ZNF678: variants seen among roughly 807,000 people sequenced by gnomAD.
ZNF678 encodes zinc finger protein 678.
Under a neutral mutation model 3.0 loss-of-function variants are expected in ZNF678, and 5 were observed. The observed-to-expected ratio is 1.69, with a 90% CI of 0.88 to 3.56. ZNF678 has a LOEUF of 3.56. Among genes scored for constraint, ZNF678 ranks in the 30% most tolerant of loss-of-function variants. The pLI is 0.00. For missense variants in ZNF678, 593 were observed against 605.0 expected (o/e 0.98, Z 0.21); for synonymous variants, 218 against 199.6 (o/e 1.09, Z -0.78).
intron 1 of ZNF678, among the ~76,000 whole-genome samples, chr1:227,599,941 T>C (rs1657693070): frequency 6.6e-6 from 1 of 152,220 alleles, no homozygotes; most frequent in Non-Finnish European, 1.5e-5. Flanking sequence ...TACGCATTAG[T>C]TATTTTTCTG....
intron 1 of ZNF678, among the ~76,000 whole-genome samples, chr1:227,613,078 A>C (rs193300949): frequency 6.6e-6 from 1 of 152,304 alleles, no homozygotes; most frequent in East Asian, 1.9e-4. Context: ...GGGCTAAGTG[A>C]AAGTATGAAT....
In ZNF678 at chr1:227,655,167, C is replaced by T; in HGVS notation, c.917C>T (p.Ala306Val). 1.9e-6 allele frequency: 3 copies of T among 1,612,258 alleles called. No individual in the cohort carries two copies. The highest frequency in any genetic ancestry group is 1.7e-4 in the Middle Eastern group (1 of 6,058). ...EECGKAFTQF[A>V]SLTRHKRIHT... Reference sequence around the variant, plus strand: ...TGTGGCAAAGCCTTTACACAGTTTGCAAGCCTTACTCGTCATAAAAGAATT... The same window carrying T: ...TGTGGCAAAGCCTTTACACAGTTTGTAAGCCTTACTCGTCATAAAAGAATT... Residue 306 changes from alanine (A) to valine (V), a missense_variant, in exon 4 of 4, where the codon GCA becomes GTA. By Grantham distance (64) the Ala-to-Val change is moderately conservative (BLOSUM62 0). Coordinates refer to ENST00000343776, the MANE Select transcript of ZNF678 (RefSeq NM_001367909.1).
intron 1 of ZNF678, among the ~76,000 whole-genome samples, chr1:227,617,676 G>GA (rs1658175152): frequency 6.6e-6 from 1 of 152,180 alleles, no homozygotes; most frequent in Non-Finnish European, 1.5e-5. Context: ...CATTGGCCAT[G>GA]ACCAATGTGG....
At position 227,654,594 on chromosome 1, in the gene ZNF678, A is replaced by G; in HGVS notation, c.344A>G (p.His115Arg). Residue 115 changes from histidine to arginine, a missense_variant, in exon 4 of 4, where the codon CAT (histidine) becomes CGT (arginine). Coordinates refer to ENST00000343776, the MANE Select transcript of ZNF678 (RefSeq NM_001367909.1). ...NFSWRSILTE[H>R]KRIHTGEKPY... is the part of the protein sequence containing the mutation. ...AGCTGGAGGTCAATCCTTACTGAACATAAGAGAATTCATACTGGAGAGAAG... is the reference window on the plus strand; with the variant it reads ...AGCTGGAGGTCAATCCTTACTGAACGTAAGAGAATTCATACTGGAGAGAAG... 6.2e-7 allele frequency: 1 copy of G among 1,613,464 alleles called. No homozygotes were observed.
At chr1:227,586,048 CA>C (rs759399356) in intron 1 of ZNF678, among the ~76,000 whole-genome samples, 22 of 151,898 alleles carry the variant, frequency 1.4e-4, no homozygotes, top group Non-Finnish European at 2.8e-4. Flanking sequence ...ATGAGCCAGG[CA>C]AGATGATTTG....
intron 1 of ZNF678, among the ~76,000 whole-genome samples, chr1:227,596,154 G>T (rs537657425): frequency 4.2e-4 from 64 of 152,322 alleles, no homozygotes; most frequent in African/African-American, 1.5e-3. Flanking sequence ...GATCTGCGTT[G>T]CTTGGGCTGG....
At chr1:227,586,828 T>C (rs1657275165) in intron 1 of ZNF678, among the ~76,000 whole-genome samples, 1 of 152,150 alleles carries the variant, frequency 6.6e-6, no homozygotes, top group Non-Finnish European at 1.5e-5. Context: ...TAATAGGCAA[T>C]TTTTCCCTCA....
rs1166627658 is a variant in ZNF678 at position 227,655,107 on chromosome 1, T to C, written c.857T>C (p.Ile286Thr). 1.9e-5 allele frequency: 30 copies of C among 1,613,012 alleles called. No individual in the cohort carries two copies. The highest frequency in any genetic ancestry group is 2.4e-5 in the Non-Finnish European group (28 of 1,179,612). ...ECSHLTRHRR[I>T]HTGEKPYKCE... ...TCACACCTAACTAGACATAGGAGAA[T>C]TCATACTGGAGAGAAACCCTACAAA... Residue 286 changes from isoleucine (I) to threonine (T), a missense_variant, in exon 4 of 4, where the codon ATT becomes ACT. Physicochemically the swap from Ile to Thr is moderately conservative, Grantham distance 89. Coordinates refer to ENST00000343776, the MANE Select transcript of ZNF678 (RefSeq NM_001367909.1).
At chr1:227,606,367 G>C (rs1442521752) in intron 1 of ZNF678, among the ~76,000 whole-genome samples, 1 of 152,182 alleles carries the variant, frequency 6.6e-6, no homozygotes, top group Non-Finnish European at 1.5e-5. Context: ...GGCTAGATTT[G>C]TGTTTCTCTT....
intron 1 of ZNF678, among the ~76,000 whole-genome samples, chr1:227,588,545 G>C (rs1657324437): frequency 6.9e-6 from 1 of 145,184 alleles, no homozygotes; most frequent in African/African-American, 2.6e-5. Flanking sequence ...CTGTCACCAG[G>C]CTGGAATATA....
chr1:227,576,264 A>AGAATGTGTTAGG (rs1656984568), intron 1 of ZNF678, among the ~76,000 whole-genome samples: 2 of 152,306 alleles, frequency 1.3e-5, no homozygotes, highest in East Asian at 3.9e-4. Context: ...CTGGCTTCAG[A>AGAATGTGTTAGG]GAATGTGTTA....
At chr1:227,674,608 CTTT>C (rs1383826284) in intron 5 of ZNF678, among the ~76,000 whole-genome samples, 1 of 120,266 alleles carries the variant, frequency 8.3e-6, no homozygotes. Flanking sequence ...TTTTTTTTTT[CTTT>C]TTTTTTTTGA....
chr1:227,666,741 C>CTTTTTTTTTTTTTTTTTTTTTTTTT (rs1182440018), downstream of ZNF678, among the ~76,000 whole-genome samples: 1 of 115,168 alleles, frequency 8.7e-6, no homozygotes, highest in Non-Finnish European at 1.8e-5. Flanking sequence ...TTCTTTCTTG[C>CTTTTTTTTTTTTTTTTTTTTTTTTT]TTTTTTTTTT....
intron 2 of ZNF678, among the ~76,000 whole-genome samples, chr1:227,646,934 C>G (rs948517663): frequency 3.9e-5 from 6 of 152,166 alleles, no homozygotes; most frequent in Non-Finnish European, 8.8e-5. Context: ...TTGTTGCCCA[C>G]ACCTCAAAAT....
intron 1 of ZNF678, among the ~76,000 whole-genome samples, chr1:227,613,081 G>A (rs1201123338): frequency 1.3e-5 from 2 of 152,160 alleles, no homozygotes; most frequent in Admixed American, 1.3e-4. Context: ...CTAAGTGAAA[G>A]TATGAATGGG....
At chr1:227,608,849 C>T (rs2102757843) in intron 1 of ZNF678, among the ~76,000 whole-genome samples, 1 of 152,188 alleles carries the variant, frequency 6.6e-6, no homozygotes, top group Admixed American at 6.5e-5. Context: ...AGTTACTGCC[C>T]TCAGGACAGT....
intron 1 of ZNF678, among the ~76,000 whole-genome samples, chr1:227,623,426 A>G (rs1275480556): frequency 6.6e-6 from 1 of 152,228 alleles, no homozygotes; most frequent in Non-Finnish European, 1.5e-5. Flanking sequence ...GTTTGTTGGC[A>G]AGAACTTAAT....
chr1:227,672,733 C>T (rs1257342623), intron 5 of ZNF678, among the ~76,000 whole-genome samples: 1 of 152,088 alleles, frequency 6.6e-6, no homozygotes, highest in Non-Finnish European at 1.5e-5. Context: ...CTTGCAGGCT[C>T]ACTCTGGCTT....
intron 1 of ZNF678, among the ~76,000 whole-genome samples, chr1:227,608,858 G>C (rs1657944511): frequency 6.6e-6 from 1 of 152,148 alleles, no homozygotes; most frequent in Non-Finnish European, 1.5e-5. Context: ...CCTCAGGACA[G>C]TTGATGATCT....
Sources: allele counts gnomAD v4.1 joint callset (sites outside exome capture counted in the v4.1 genomes callset), GRCh38; gene constraint gnomAD v4.1.1; transcripts MANE v1.5; gene names NCBI Gene and HGNC (gene_info 2026-07-23, HGNC 2026-07-21).